The following SUPT3H variants were observed in gnomAD, a reference collection of about 807,000 sequenced individuals.
SUPT3H encodes transcription initiation protein SPT3 homolog.
In SUPT3H, 44 loss-of-function variants were observed where a neutral mutation model predicts 44.3. The observed-to-expected ratio is 0.99, with a 90% CI of 0.78 to 1.28. The LOEUF is 1.28. SUPT3H is among the 50% of genes most tolerant of loss of function. The pLI is 0.00. For missense variants in SUPT3H, 380 were observed against 387.1 expected (o/e 0.98, Z 0.15); for synonymous variants, 124 against 125.6 (o/e 0.99, Z 0.09).
chr6:45,101,406 C>G (rs1006828779), intron 3 of SUPT3H, among the ~76,000 whole-genome samples: 11 of 152,194 alleles, frequency 7.2e-5, no homozygotes, highest in African/African-American at 2.7e-4. Flanking sequence ...GCCTGGGCAA[C>G]AAGAGCGAAA....
At position 45,020,561 on chromosome 6, in the gene SUPT3H, CA is replaced by C; in HGVS notation, c.257del (p.Leu86Ter). 6.2e-7 allele frequency: 1 copy of C among 1,611,058 alleles called. No individual in the cohort carries two copies. The highest frequency in any genetic ancestry group is 8.5e-7 in the Non-Finnish European group (1 of 1,178,076). Reference protein sequence around the residue: ...RVITPEDLLFLMRKDKKKLRR... With the variant: ...RVITPEDLLFXMRKDKKKLRR... ...GTTATATTACCTTATCTTTGCGCAT[CA>C]AAAACAGAAGATCTTCAGGAGTGAT... is the stretch of plus-strand genomic sequence containing the variant. On this transcript the variant is annotated frameshift_variant, in exon 4 of 11. Transcript: ENST00000371459. LOFTEE classifies it high-confidence loss of function.
Position 45,095,184 on chromosome 6 carries a change from A to G in SUPT3H, c.186+10738T>C, listed in dbSNP as rs969227376. ...TTAGCAAGAAGACTGTTTCCATCCTATGATTCATTAGGTCCCCATGGTACC... is the reference window on the plus strand; with the variant it reads ...TTAGCAAGAAGACTGTTTCCATCCTGTGATTCATTAGGTCCCCATGGTACC... On this transcript the variant is annotated intron_variant, in intron 3 of 10. Coordinates refer to ENST00000371459, the MANE Select transcript of SUPT3H (RefSeq NM_003599.4). The surrounding 1 kb of genome is among the most constrained non-coding windows in gnomAD (Gnocchi z 4.1). Among the ~76,000 whole-genome samples the G allele has an allele frequency of 1.3e-5, 2 of 152,148 alleles. No homozygotes were observed.
At chr6:44,917,135 C>A (rs775422836) in intron 10 of SUPT3H, among the ~76,000 whole-genome samples, 1 of 151,576 alleles carries the variant, frequency 6.6e-6, no homozygotes, top group Non-Finnish European at 1.5e-5. Flanking sequence ...GCCTGGGTAA[C>A]AGAGTGAGAC....
intron 2 of SUPT3H, among the ~76,000 whole-genome samples, chr6:45,134,656 C>A (rs866677827): frequency 1.3e-5 from 2 of 152,086 alleles, no homozygotes; most frequent in African/African-American, 4.8e-5. Context: ...ATTCTCATTT[C>A]CAAAGAGAGA....
chr6:45,364,220 G>A (rs1452717913), intron 2 of SUPT3H, among the ~76,000 whole-genome samples: 1 of 151,888 alleles, frequency 6.6e-6, no homozygotes, highest in African/African-American at 2.4e-5. Flanking sequence ...AGTATAAAAG[G>A]ATCCTAAGGC....
intron 2 of SUPT3H, among the ~76,000 whole-genome samples, chr6:45,186,965 G>C (rs1814316264): frequency 1.3e-5 from 2 of 151,848 alleles, no homozygotes; most frequent in African/African-American, 4.8e-5. Flanking sequence ...ATCAAACCTA[G>C]CACTAAAAGT....
intron 2 of SUPT3H, among the ~76,000 whole-genome samples, chr6:45,324,614 G>A (rs183237523): frequency 4.3e-4 from 65 of 151,046 alleles, no homozygotes; most frequent in Non-Finnish European, 7.7e-4. Context: ...AGAGAGATTG[G>A]TAGAGAGAGA....
At chr6:45,279,078 T>C (rs1187800277) in intron 2 of SUPT3H, among the ~76,000 whole-genome samples, 1 of 152,198 alleles carries the variant, frequency 6.6e-6, no homozygotes, top group Admixed American at 6.5e-5. Flanking sequence ...AAAATTTTTA[T>C]TTAATTCTCG....
chr6:45,293,904 G>T (rs984057044), intron 2 of SUPT3H, among the ~76,000 whole-genome samples: 6 of 138,522 alleles, frequency 4.3e-5, no homozygotes, highest in African/African-American at 1.7e-4. Flanking sequence ...AATTCTACCA[G>T]ACACTGAAAG....
At chr6:44,888,247 C>A (rs1762660608) in intron 10 of SUPT3H, among the ~76,000 whole-genome samples, 1 of 152,188 alleles carries the variant, frequency 6.6e-6, no homozygotes, top group Admixed American at 6.5e-5. Flanking sequence ...AAGAGGGAAT[C>A]CTCCCTGACT....
chr6:45,228,562 A>C (rs1207864892), intron 2 of SUPT3H, among the ~76,000 whole-genome samples: 3 of 152,166 alleles, frequency 2.0e-5, no homozygotes, highest in Admixed American at 1.3e-4. Context: ...CTTTATAATA[A>C]ATCTCTTTCT....
chr6:44,963,488 T>TCAAACAAA (rs529527828), intron 6 of SUPT3H, among the ~76,000 whole-genome samples: 1 of 152,066 alleles, frequency 6.6e-6, no homozygotes, highest in East Asian at 1.9e-4. Flanking sequence ...AGACTCCGTC[T>TCAAACAAA]CAAACAAACA....
chr6:45,040,156 T>G (rs1341525882), intron 3 of SUPT3H, among the ~76,000 whole-genome samples: 1 of 152,156 alleles, frequency 6.6e-6, no homozygotes, highest in African/African-American at 2.4e-5. Context: ...ACCCCAAGGT[T>G]GTGGCATGAA....
chr6:44,833,366 G>GT (rs1769216002), intron 10 of SUPT3H, among the ~76,000 whole-genome samples: 1 of 152,052 alleles, frequency 6.6e-6, no homozygotes. Flanking sequence ...GTGCTTGGTG[G>GT]TACAACAGGA....
chr6:44,921,606 A>G (rs947424302), intron 10 of SUPT3H, among the ~76,000 whole-genome samples: 2 of 152,156 alleles, frequency 1.3e-5, no homozygotes, highest in Non-Finnish European at 2.9e-5. Context: ...TGAACACCAA[A>G]ACCCTGCTTG....
intron 11 of SUPT3H, among the ~76,000 whole-genome samples, chr6:44,812,058 G>GA (rs34244936): frequency 2.7e-3 from 408 of 149,978 alleles, no homozygotes; most frequent in African/African-American, 8.4e-3. Flanking sequence ...ACAGAAGCTG[G>GA]AAAAAAAAAT....
intron 2 of SUPT3H, among the ~76,000 whole-genome samples, chr6:45,119,919 T>A (rs566899597): frequency 6.6e-6 from 1 of 152,150 alleles, no homozygotes; most frequent in African/African-American, 2.4e-5. Flanking sequence ...CAATTTAGAA[T>A]CTGTTTAATA....
chr6:45,280,977 C>T (rs1334858519), intron 2 of SUPT3H, among the ~76,000 whole-genome samples: 2 of 152,150 alleles, frequency 1.3e-5, no homozygotes, highest in Non-Finnish European at 1.5e-5. Context: ...AGGGGGAAAA[C>T]TGCACTTCGA....
At chr6:45,311,120 T>C (rs1414783061) in intron 2 of SUPT3H, among the ~76,000 whole-genome samples, 1 of 152,262 alleles carries the variant, frequency 6.6e-6, no homozygotes, top group East Asian at 1.9e-4. Context: ...GACACACTTT[T>C]AGAAATGCAA....
Sources: gnomAD v4.1 joint callset for allele counts (sites outside exome capture counted in the v4.1 genomes callset) on GRCh38, gnomAD v4.1.1 for gene constraint, Gnocchi (gnomAD v3.1) non-coding constraint, MANE v1.5 for transcripts, NCBI Gene and HGNC (gene_info 2026-07-23, HGNC 2026-07-21) for gene names.